Variants in PCDHGB7 observed in about 807,000 individuals in gnomAD.
PCDHGB7 encodes protocadherin gamma-B7.
PCDHGB7 carries 37 observed loss-of-function variants against 61.4 expected under a neutral mutation model. That is an observed-to-expected ratio of 0.60 (90% CI 0.46 to 0.79). The LOEUF is 0.79. PCDHGB7 is among the 30% of genes least tolerant of loss of function. The pLI is 0.00. For synonymous variants in PCDHGB7, 464 were observed against 503.5 expected, an observed-to-expected ratio of 0.92 and a Z score of 1.05; for missense variants, 1,166 against 1,202.5, an observed-to-expected ratio of 0.97 and a Z score of 0.45.
In PCDHGB7 at chr5:141,487,241, A is replaced by G. The variant is rs753291480; in HGVS notation, c.2416-7566A>G. ...TCCAAGGGAAGGAGAATCTCGTCTA[A>G]CCCTCTACTTGGCTGTGTCCCTAGT... On this transcript the variant is annotated intron_variant, in intron 1 of 3. Transcript: ENST00000398594. The surrounding 1 kb of genome is among the most constrained non-coding windows in gnomAD (Gnocchi z 5.0). 2 of 1,613,876 alleles carry G rather than the reference A, an allele frequency of 1.2e-6. No homozygotes were observed. The highest frequency in any genetic ancestry group is 3.3e-5 in the Admixed American group (2 of 59,988).
At chr5:141,484,451 T>G (rs2099596635) in intron 1 of PCDHGB7, among the ~76,000 whole-genome samples, 2 of 152,264 alleles carry the variant, frequency 1.3e-5, no homozygotes, top group South Asian at 4.1e-4. Flanking sequence ...TTTAATTGGC[T>G]ACGTTAATGT....
At chr5:141,494,922 C>T (rs1401836511) in intron 2 of PCDHGB7, 57 bp downstream of exon 2, 23 of 1,613,670 alleles carry the variant, frequency 1.4e-5, no homozygotes, top group Non-Finnish European at 1.9e-5. Flanking sequence ...TCAGGGATGA[C>T]GTGGGAGGAG....
At position 141,485,651 on chromosome 5, in the gene PCDHGB7, G is replaced by A. The variant is rs752827268; in HGVS notation, c.2416-9156G>A. The A allele has an allele frequency of 6.8e-6, 11 of 1,612,228 alleles. No individual in the cohort carries two copies. The Admixed American group carries it at 1.3e-4, about 20-fold the overall frequency. ...TTTCCCGTTGGAAAAGGCTCAGGATGCAGATGTGGGGAGCAATTCGATTAG... is the reference window on the plus strand; with the variant it reads ...TTTCCCGTTGGAAAAGGCTCAGGATACAGATGTGGGGAGCAATTCGATTAG... On this transcript the variant is annotated intron_variant, in intron 1 of 3. Transcript: ENST00000398594. This position sits in a 1 kb window ranked among gnomAD's most constrained non-coding sequence, Gnocchi z 5.7.
chr5:141,450,991 A>AT (rs1351194705), intron 1 of PCDHGB7, among the ~76,000 whole-genome samples: 1 of 150,700 alleles, frequency 6.6e-6, no homozygotes. Context: ...CACCCGGCTA[A>AT]TTTTTTTGTA....
chr5:141,503,598 CAAAAAAAAAA>C (rs765754054), intron 2 of PCDHGB7, among the ~76,000 whole-genome samples: 1 of 65,762 alleles, frequency 1.5e-5, no homozygotes. Context: ...GACTCCAGCT[CAAAAAAAAAA>C]AAAAAAGAAA....
Position 141,431,583 on chromosome 5 carries a change from C to A in PCDHGB7, c.2415+11309C>A, listed in dbSNP as rs771534481. On this transcript the variant is annotated intron_variant, in intron 1 of 3. Transcript: ENST00000398594. The surrounding 1 kb of genome is among the most constrained non-coding windows in gnomAD (Gnocchi z 4.8). ...ACCGACCCTGACGAAGGAGTCAATGCGGAAGTGAGGTATTCCTTCCGGTAT... is the reference window on the plus strand; with the variant it reads ...ACCGACCCTGACGAAGGAGTCAATGAGGAAGTGAGGTATTCCTTCCGGTAT... The A allele has an allele frequency of 1.1e-5, 18 of 1,614,008 alleles. No individual in the cohort carries two copies. In the South Asian group the frequency reaches 1.2e-4, roughly 11 times the overall value.
Position 141,511,319 on chromosome 5 carries a change from C to A in PCDHGB7, c.*146C>A. On this transcript the variant is annotated 3_prime_UTR_variant, in exon 4 of 4. Coordinates refer to ENST00000398594, the MANE Select transcript of PCDHGB7 (RefSeq NM_018927.4). ...CCATGCTCCCCTTGGGAAACAGAAA[C>A]AAGTGCCCAGTCAGCACCTACCCCT... is the stretch of plus-strand genomic sequence containing the variant. 6.8e-7 allele frequency: 1 copy of A among 1,477,420 alleles called. No homozygotes were observed. The highest frequency in any genetic ancestry group is 9.0e-7 in the Non-Finnish European group (1 of 1,108,340). 91.5% of individuals were successfully genotyped at this position (1,477,420 alleles called of 1,614,324 possible).
chr5:141,477,765 A>C lies in PCDHGB7; in HGVS notation c.2416-17042A>C, dbSNP rs752391870. The C allele has an allele frequency of 6.2e-7, 1 of 1,614,026 alleles. No individual in the cohort carries two copies. Among genetic ancestry groups the C allele is most frequent in the Non-Finnish European group, 8.5e-7 (1 of 1,180,036 alleles). Reference sequence around the variant, plus strand: ...GGGGGCACCCCGGTCCTAGCCACCAACATCAGCGTGAACATATTTGTCACT... The same window carrying C: ...GGGGGCACCCCGGTCCTAGCCACCACCATCAGCGTGAACATATTTGTCACT... On this transcript the variant is annotated intron_variant, in intron 1 of 3. Coordinates refer to ENST00000398594, the MANE Select transcript of PCDHGB7 (RefSeq NM_018927.4). The surrounding 1 kb of genome is among the most constrained non-coding windows in gnomAD (Gnocchi z 4.9).
At chr5:141,468,382 G>T (rs1247387630) in intron 1 of PCDHGB7, 1 of 151,194 alleles carries the variant, frequency 6.6e-6, no homozygotes, top group Non-Finnish European at 1.5e-5. Context: ...GCCATACAAG[G>T]CTACCCATTT....
Position 141,431,548 on chromosome 5 carries a change from A to G in PCDHGB7, c.2415+11274A>G, listed in dbSNP as rs1357844542. 2 of 1,614,136 alleles carry G rather than the reference A, an allele frequency of 1.2e-6. No individual in the cohort carries two copies. Among genetic ancestry groups the G allele is most frequent in the Admixed American group, 1.7e-5 (1 of 60,030 alleles). On this transcript the variant is annotated intron_variant, in intron 1 of 3. Coordinates refer to ENST00000398594, the MANE Select transcript of PCDHGB7 (RefSeq NM_018927.4). This position sits in a 1 kb window ranked among gnomAD's most constrained non-coding sequence, Gnocchi z 4.8. ...TGGCCTTGGGCACGCAGCTGCTTGT[A>G]GTCAACGCTACCGACCCTGACGAAG... is the stretch of plus-strand genomic sequence containing the variant.
At chr5:141,455,534 A>G (rs985347185) in intron 1 of PCDHGB7, among the ~76,000 whole-genome samples, 1 of 152,178 alleles carries the variant, frequency 6.6e-6, no homozygotes, top group Non-Finnish European at 1.5e-5. Flanking sequence ...GACCAGGCAT[A>G]TCATTCACGT....
intron 1 of PCDHGB7, among the ~76,000 whole-genome samples, chr5:141,462,819 A>G (rs1182498111): frequency 6.6e-6 from 1 of 152,210 alleles, no homozygotes; most frequent in East Asian, 1.9e-4. Context: ...TTTATTGGAC[A>G]GCAGACATTG....
At chr5:141,455,208 A>G (rs1450523873) in intron 1 of PCDHGB7, among the ~76,000 whole-genome samples, 1 of 151,996 alleles carries the variant, frequency 6.6e-6, no homozygotes, top group Non-Finnish European at 1.5e-5. Context: ...AACCAATAAG[A>G]GTTTTTAATG....
At chr5:141,497,464 T>G (rs1277760390) in intron 2 of PCDHGB7, among the ~76,000 whole-genome samples, 1 of 151,764 alleles carries the variant, frequency 6.6e-6, no homozygotes, top group Non-Finnish European at 1.5e-5. Flanking sequence ...CTTGGAGATA[T>G]GGAGGAGAAG....
rs1561856520 is a variant in PCDHGB7 at position 141,431,983 on chromosome 5, A to C, written c.2415+11709A>C. 3.1e-6 allele frequency: 5 copies of C among 1,614,242 alleles called. No homozygotes were observed. Among genetic ancestry groups the C allele is most frequent in the Non-Finnish European group, 4.2e-6 (5 of 1,180,036 alleles). ...ATTACTATAGTTTAGTCACAGACAT[A>C]GTCTTGGATAGGGAACAGGTTCCTA... On this transcript the variant is annotated intron_variant, in intron 1 of 3. Coordinates refer to ENST00000398594, the MANE Select transcript of PCDHGB7 (RefSeq NM_018927.4). The surrounding 1 kb of genome is among the most constrained non-coding windows in gnomAD (Gnocchi z 4.8).
In PCDHGB7 at chr5:141,419,577, C is replaced by A. The variant is rs1182305164; in HGVS notation, c.1718C>A (p.Ala573Glu). ...CCTGCGCTGGGTCCCGACGGCTCCG[C>A]GCTCTTCGACACAGTGCCGCGGGCC... ...LYPALGPDGSALFDTVPRAAQ... is the reference protein window; with the variant it reads ...LYPALGPDGSELFDTVPRAAQ... Residue 573 changes from alanine to glutamate, a missense_variant, in exon 1 of 4, where the codon GCG becomes GAG. By Grantham distance (107) the Ala-to-Glu change is moderately radical. Coordinates refer to ENST00000398594, the MANE Select transcript of PCDHGB7 (RefSeq NM_018927.4). 3.1e-6 allele frequency: 5 copies of A among 1,611,732 alleles called. No individual in the cohort carries two copies. The South Asian group carries it at 5.5e-5, about 18-fold the overall frequency.
In PCDHGB7 at chr5:141,431,570, G is replaced by A. The variant is rs754760314; in HGVS notation, c.2415+11296G>A. 7 of 1,614,172 alleles carry A rather than the reference G, an allele frequency of 4.3e-6. No individual in the cohort carries two copies. Among genetic ancestry groups the A allele is most frequent in the Non-Finnish European group, 5.9e-6 (7 of 1,180,024 alleles). ...TGTAGTCAACGCTACCGACCCTGAC[G>A]AAGGAGTCAATGCGGAAGTGAGGTA... On this transcript the variant is annotated intron_variant, in intron 1 of 3. Transcript: ENST00000398594. The surrounding 1 kb of genome is among the most constrained non-coding windows in gnomAD (Gnocchi z 4.8).
At position 141,487,855 on chromosome 5, in the gene PCDHGB7, A is replaced by G. The variant is rs1033833406; in HGVS notation, c.2416-6952A>G. The G allele has an allele frequency of 2.1e-6, 2 of 974,092 alleles. No homozygotes were observed. Among genetic ancestry groups the G allele is most frequent in the Non-Finnish European group, 3.0e-6 (2 of 668,870 alleles). The allele number at this position is 974,092 out of a possible 1,614,324, so 60.3% of individuals were successfully genotyped here. Reference sequence around the variant, plus strand: ...TATATCTGAGTAAGAAATGAAAGTAATTGGTGATCAAGAGCCAGGCTGTTG... The same window carrying G: ...TATATCTGAGTAAGAAATGAAAGTAGTTGGTGATCAAGAGCCAGGCTGTTG... On this transcript the variant is annotated intron_variant, in intron 1 of 3. Transcript: ENST00000398594. The surrounding 1 kb of genome is among the most constrained non-coding windows in gnomAD (Gnocchi z 5.0).
At chr5:141,434,763 C>T (rs2097714876) in intron 1 of PCDHGB7, among the ~76,000 whole-genome samples, 1 of 151,296 alleles carries the variant, frequency 6.6e-6, no homozygotes, top group South Asian at 2.1e-4. Flanking sequence ...TTCCCCACTT[C>T]ACACTTCTAA....
Sources: allele counts gnomAD v4.1 joint callset (sites outside exome capture counted in the v4.1 genomes callset), GRCh38; gene constraint gnomAD v4.1.1; non-coding constraint Gnocchi (gnomAD v3.1); transcripts MANE v1.5; gene names NCBI Gene and HGNC (gene_info 2026-07-23, HGNC 2026-07-21).